Variants in SACS observed in about 807,000 individuals in gnomAD.
SACS encodes sacsin molecular chaperone, also known as sacsin.
In SACS, 197 loss-of-function variants were observed where a neutral mutation model predicts 348.0. The observed-to-expected ratio is 0.57, with a 90% CI of 0.50 to 0.64. The LOEUF is 0.64. SACS is among the 30% of genes least tolerant of loss of function. The pLI is 0.00. For missense variants in SACS, 4,999 were observed against 5,360.8 expected, an observed-to-expected ratio of 0.93 and a Z score of 2.11; for synonymous variants, 1,985 against 1,910.6, an observed-to-expected ratio of 1.04 and a Z score of -1.02.
chr13:23,412,449 T>C (rs1191325588), intron 1 of SACS, among the ~76,000 whole-genome samples: 2 of 148,890 alleles, frequency 1.3e-5, no homozygotes, highest in Non-Finnish European at 3.0e-5. Context: ...AGCCTCCCTC[T>C]ATTGTCCAGG....
At chr13:23,375,408 C>T in intron 2 of SACS, 139 bp from the exon 3 acceptor site, 1 of 1,227,886 alleles carries the variant, frequency 8.1e-7, no homozygotes, top group South Asian at 3.6e-5. Flanking sequence ...ACGCCGGCGC[C>T]CGATCACGGC....
rs748667130 is a variant in SACS, at chr13:23,330,407, T to G, written c.13469A>C (p.Tyr4490Ser). 1 of 1,614,208 alleles carries G rather than the reference T, an allele frequency of 6.2e-7. No homozygotes were observed. The highest frequency in any genetic ancestry group is 1.1e-5 in the South Asian group (1 of 91,084). Residue 4490 changes from tyrosine (Y) to serine (S), a missense_variant, in exon 10 of 10, where the codon TAT (tyrosine) becomes TCT (serine). Tyr to Ser is a moderately radical substitution (Grantham distance 144). Transcript: ENST00000382292. ...STKLALIAADYAVRGKSDKDV... is the reference protein window; with the variant it reads ...STKLALIAADSAVRGKSDKDV... ...TTTATCAGACTTTCCCCTCACAGCATAGTCAGCTGCAATCAAAGCTAACTT... is the reference window on the plus strand; with the variant it reads ...TTTATCAGACTTTCCCCTCACAGCAGAGTCAGCTGCAATCAAAGCTAACTT...
chr13:23,329,174 T>C lies in SACS; in HGVS notation c.*962A>G, dbSNP rs1883313383. On this transcript the variant is annotated 3_prime_UTR_variant, in exon 10 of 10. Coordinates refer to ENST00000382292, the MANE Select transcript of SACS (RefSeq NM_014363.6). ...AAGCCGATAATTATAAACTACTAGA[T>C]AACACAATGATTTTAACAATTTTTG... 4.7e-6 allele frequency: 2 copies of C among 422,758 alleles called. No homozygotes were observed. Among genetic ancestry groups the C allele is most frequent in the Admixed American group, 8.9e-5 (2 of 22,596 alleles). 26.2% of individuals were successfully genotyped at this position (422,758 alleles called of 1,614,324 possible).
Position 23,329,215 on chromosome 13 carries a change from A to G in SACS, c.*921T>C. ...ACAATTTTTGATGTTTTTAAAGTTA[A>G]AAAAACTCCACTACATGCCATATTG... On this transcript the variant is annotated 3_prime_UTR_variant, in exon 10 of 10. Transcript: ENST00000382292. The G allele has an allele frequency of 2.2e-6, 1 of 463,180 alleles. No individual in the cohort carries two copies. The highest frequency in any genetic ancestry group is 3.8e-6 in the Non-Finnish European group (1 of 266,362). 28.7% of individuals were successfully genotyped at this position (463,180 alleles called of 1,614,324 possible).
chr13:23,425,291 C>T (rs952317847), intron 1 of SACS, among the ~76,000 whole-genome samples: 8 of 151,298 alleles, frequency 5.3e-5, no homozygotes, highest in African/African-American at 1.5e-4. Flanking sequence ...GGTTTCCACC[C>T]GGGACCTGAA....
chr13:23,359,154 C>T (rs1411522205), intron 6 of SACS, among the ~76,000 whole-genome samples: 1 of 151,928 alleles, frequency 6.6e-6, no homozygotes, highest in African/African-American at 2.4e-5. Flanking sequence ...CGCACTCCAG[C>T]CTGGGCAACA....
chr13:23,375,010 G>T, intron 3 of SACS, 109 bp downstream of exon 3: 1 of 1,126,882 alleles, frequency 8.9e-7, no homozygotes, highest in South Asian at 2.3e-5. Context: ...CACGCTGCCG[G>T]AGTCATTCGC....
chr13:23,419,601 T>C (rs1250923100), intron 1 of SACS, among the ~76,000 whole-genome samples: 1 of 152,158 alleles, frequency 6.6e-6, no homozygotes, highest in Non-Finnish European at 1.5e-5. Flanking sequence ...TCTTTTCTTA[T>C]ATTGCAATTT....
chr13:23,348,369 TAAGA>T (rs1869743661), intron 9 of SACS, among the ~76,000 whole-genome samples: 3 of 152,104 alleles, frequency 2.0e-5, no homozygotes, highest in African/African-American at 7.2e-5. Context: ...TCACAGACAC[TAAGA>T]AAGAGATTTG....
rs374672041 is a variant in SACS, at chr13:23,375,106, G to A, written c.171+13C>T. On this transcript the variant is annotated intron_variant, in intron 3 of 9. Coordinates refer to ENST00000382292, the MANE Select transcript of SACS (RefSeq NM_014363.6). ...TGGCGGAGCCCAGCCCAGCGCCCCC[G>A]GCCACCGCCTACCTCGCGGCCGCCG... 3.3e-3 allele frequency: 4,926 copies of A among 1,490,128 alleles called. 70 individuals are homozygous for A. The African/African-American group carries it at 0.044, about 13-fold the overall frequency. 92.3% of individuals were successfully genotyped at this position (1,490,128 alleles called of 1,614,324 possible).
At chr13:23,405,530 C>G (rs935621374) in intron 2 of SACS, among the ~76,000 whole-genome samples, 1 of 152,116 alleles carries the variant, frequency 6.6e-6, no homozygotes, top group Non-Finnish European at 1.5e-5. Context: ...AAAGCAATGG[C>G]AATCGAAGCC....
At chr13:23,383,323 C>G (rs951544591) in intron 2 of SACS, among the ~76,000 whole-genome samples, 5 of 152,150 alleles carry the variant, frequency 3.3e-5, no homozygotes, top group African/African-American at 1.2e-4. Flanking sequence ...CAGGCCACCA[C>G]TCAGGGCCCC....
chr13:23,344,903 A>G lies in SACS; in HGVS notation c.2186-3213T>C, dbSNP rs12584477. ...TGAATCAGTACTCAAAGACTGCACTATTTTTTATTGTTTACATTTATGTTC... is the reference window on the plus strand; with the variant it reads ...TGAATCAGTACTCAAAGACTGCACTGTTTTTTATTGTTTACATTTATGTTC... On this transcript the variant is annotated intron_variant, in intron 9 of 9. Coordinates refer to ENST00000382292, the MANE Select transcript of SACS (RefSeq NM_014363.6). Among the ~76,000 whole-genome samples the G allele has an allele frequency of 8.5e-5, 13 of 152,308 alleles. No homozygotes were observed. In the East Asian group the frequency reaches 2.3e-3, roughly 27 times the overall value.
chr13:23,357,048 G>C (rs1385493445), intron 7 of SACS, among the ~76,000 whole-genome samples: 1 of 152,166 alleles, frequency 6.6e-6, no homozygotes, highest in Non-Finnish European at 1.5e-5. Flanking sequence ...CATGACCTAT[G>C]ACCTATGACC....
chr13:23,412,192 G>A (rs1873514785), intron 1 of SACS, among the ~76,000 whole-genome samples: 1 of 152,100 alleles, frequency 6.6e-6, no homozygotes, highest in South Asian at 2.1e-4. Flanking sequence ...CCGGGAGGTG[G>A]AGCTTGCAGT....
Position 23,333,757 on chromosome 13 carries a change from TGTTGAA to T in SACS, c.10113_10118del (p.Ser3372_Thr3373del), listed in dbSNP as rs1566060074. The T allele has an allele frequency of 6.2e-7, 1 of 1,613,874 alleles. No homozygotes were observed. The highest frequency in any genetic ancestry group is 1.1e-5 in the South Asian group (1 of 91,074). On this transcript the variant is annotated inframe_deletion, in exon 10 of 10. Coordinates refer to ENST00000382292, the MANE Select transcript of SACS (RefSeq NM_014363.6). ...TTTCTACTAATTTTTCTGCTCTAAA[TGTTGAA>T]GTTTGGACCATATAATGTAGAGCCT...
chr13:23,346,235 GC>G (rs780169622), intron 9 of SACS, among the ~76,000 whole-genome samples: 2 of 152,070 alleles, frequency 1.3e-5, no homozygotes, highest in Non-Finnish European at 2.9e-5. Context: ...AACCTCTGCC[GC>G]CCGGGTTCAA....
In SACS at chr13:23,340,474, A is replaced by G. The variant is rs1464284835; in HGVS notation, c.3402T>C (p.Val1134=). Reference sequence around the variant, plus strand: ...GCAACAGTGTGTGATTCTTATTTAAAACCAGTAAGAGGGTTTTGGCTTTCT... The same window carrying G: ...GCAACAGTGTGTGATTCTTATTTAAGACCAGTAAGAGGGTTTTGGCTTTCT... The part of the protein sequence containing the change: ...LLKKAKTLLL[V]LNKNHTLLQS... Residue 1134 remains valine (V), a synonymous_variant, in exon 10 of 10, where the codon GTT becomes GTC. Transcript: ENST00000382292. 2 of 1,613,266 alleles carry G rather than the reference A, an allele frequency of 1.2e-6. No individual in the cohort carries two copies. The highest frequency in any genetic ancestry group is 1.7e-6 in the Non-Finnish European group (2 of 1,179,760).
At chr13:23,341,759 A>C in intron 9 of SACS, 69 bp from the exon 10 acceptor site, 1 of 1,289,040 alleles carries the variant, frequency 7.8e-7, no homozygotes. Flanking sequence ...ATTCTCACAA[A>C]TAACACAGTA....
Sources: gnomAD v4.1 joint callset for allele counts (sites outside exome capture counted in the v4.1 genomes callset) on GRCh38, gnomAD v4.1.1 for gene constraint, MANE v1.5 for transcripts, NCBI Gene and HGNC (gene_info 2026-07-23, HGNC 2026-07-21) for gene names.